Variants in HTT observed in about 807,000 individuals in gnomAD.
HTT encodes huntingtin.
HTT carries 104 observed loss-of-function variants against 362.3 expected under a neutral mutation model. The observed-to-expected ratio is 0.29, with a 90% CI of 0.24 to 0.34. HTT has a LOEUF of 0.34. Among genes scored for constraint, HTT ranks in the 10% least tolerant of loss-of-function variants. The pLI is 1.00. For synonymous variants in HTT, 1,577 were observed against 1,548.7 expected (o/e 1.02, Z -0.43); for missense variants, 3,301 against 3,928.6 (o/e 0.84, Z 4.27).
intron 59 of HTT, 152 bp downstream of exon 59, chr4:3,229,161 A>T (rs1193131454): frequency 4.3e-6 from 3 of 697,650 alleles, no homozygotes; most frequent in Non-Finnish European, 7.1e-6. Flanking sequence ...CGCACCATAG[A>T]CACCACACAC....
intron 2 of HTT, among the ~76,000 whole-genome samples, chr4:3,096,894 G>C (rs1460092105): frequency 6.6e-6 from 1 of 152,116 alleles, no homozygotes; most frequent in East Asian, 1.9e-4. Context: ...CGAGGCAGGT[G>C]GATTGTTTGA....
intron 29 of HTT, among the ~76,000 whole-genome samples, chr4:3,170,658 A>T (rs1014440541): frequency 2.6e-5 from 4 of 152,076 alleles, no homozygotes; most frequent in African/African-American, 9.7e-5. Context: ...TTCAATTCAG[A>T]GGGTTGCCTG....
At chr4:3,203,409 C>A (rs1264719478) in intron 41 of HTT, among the ~76,000 whole-genome samples, 1 of 152,188 alleles carries the variant, frequency 6.6e-6, no homozygotes, top group Non-Finnish European at 1.5e-5. Flanking sequence ...AACATTTTAA[C>A]TGTATGGACT....
intron 6 of HTT, among the ~76,000 whole-genome samples, chr4:3,112,232 A>G (rs1307893399): frequency 6.6e-6 from 1 of 152,130 alleles, no homozygotes; most frequent in African/African-American, 2.4e-5. Flanking sequence ...CTTATTCTCA[A>G]AATTACCTGC....
chr4:3,115,939 A>G (rs1715000067), intron 7 of HTT, 146 bp from the exon 8 acceptor site: 1 of 736,472 alleles, frequency 1.4e-6, no homozygotes, highest in Non-Finnish European at 2.3e-6. Flanking sequence ...GTGTGTAGCC[A>G]TTCCCAGTGG....
At chr4:3,225,875 T>C in intron 57 of HTT, 132 bp downstream of exon 57, 1 of 638,680 alleles carries the variant, frequency 1.6e-6, no homozygotes, top group South Asian at 2.0e-5. Flanking sequence ...TAAAAAAAAA[T>C]TTAATGTTCA....
intron 9 of HTT, 186 bp downstream of exon 9, chr4:3,121,618 G>A (rs1170389830): frequency 9.0e-6 from 4 of 444,594 alleles, no homozygotes; most frequent in African/African-American, 6.2e-5. Flanking sequence ...GCTCACGCCT[G>A]TAATTTCAGC....
intron 33 of HTT, among the ~76,000 whole-genome samples, chr4:3,176,631 T>C (rs1034635536): frequency 1.3e-5 from 2 of 152,216 alleles, no homozygotes; most frequent in Non-Finnish European, 2.9e-5. Flanking sequence ...CAAAGACTGC[T>C]CTGGTTTCAT....
In HTT at chr4:3,215,227, C is replaced by T. The variant is rs776116764; in HGVS notation, c.7054+16C>T. ...AACACACAGAGTAAGTCTCAGGACCCATTTTTTTCTTACATGTTGTTCCTC... is the reference window on the plus strand; with the variant it reads ...AACACACAGAGTAAGTCTCAGGACCTATTTTTTTCTTACATGTTGTTCCTC... On this transcript the variant is annotated intron_variant, in intron 51 of 66. Coordinates refer to ENST00000355072, the MANE Select transcript of HTT (RefSeq NM_001388492.1). The T allele has an allele frequency of 1.3e-6, 2 of 1,590,512 alleles. No individual in the cohort carries two copies. The highest frequency in any genetic ancestry group is 2.2e-5 in the East Asian group (1 of 44,754).
intron 64 of HTT, among the ~76,000 whole-genome samples, chr4:3,236,918 G>C (rs1038360654): frequency 1.3e-5 from 2 of 152,184 alleles, no homozygotes; most frequent in Non-Finnish European, 2.9e-5. Flanking sequence ...GAGCCTTGTT[G>C]CACTGCCTTG....
intron 40 of HTT, among the ~76,000 whole-genome samples, chr4:3,193,527 G>A (rs941520184): frequency 1.3e-5 from 2 of 152,200 alleles, no homozygotes; most frequent in Admixed American, 6.5e-5. Context: ...ATGTCCGAGC[G>A]ATCTCTGTGC....
intron 12 of HTT, 56 bp downstream of exon 12, chr4:3,127,660 T>C (rs1560559352): frequency 1.5e-6 from 2 of 1,342,200 alleles, no homozygotes; most frequent in Non-Finnish European, 2.1e-6. Context: ...TGAGACAGAG[T>C]CTCACTCCAT....
intron 22 of HTT, among the ~76,000 whole-genome samples, chr4:3,142,431 G>A (rs1048615861): frequency 2.0e-5 from 3 of 152,178 alleles, no homozygotes; most frequent in South Asian, 2.1e-4. Flanking sequence ...AAAAAGTGCC[G>A]TGGGAGATGA....
intron 41 of HTT, among the ~76,000 whole-genome samples, chr4:3,203,577 G>A (rs1335405822): frequency 1.3e-5 from 2 of 152,234 alleles, no homozygotes; most frequent in African/African-American, 2.4e-5. Flanking sequence ...GTTTAGAGTG[G>A]TGATGTTTCA....
rs1453739523 is a variant in HTT at position 3,229,939 on chromosome 4, A to T, written c.8162A>T (p.Tyr2721Phe). The T allele has an allele frequency of 6.2e-7, 1 of 1,614,152 alleles. No individual in the cohort carries two copies. The highest frequency in any genetic ancestry group is 8.5e-7 in the Non-Finnish European group (1 of 1,179,984). Residue 2721 changes from tyrosine (Y) to phenylalanine (F), a missense_variant, in exon 60 of 67, where the codon TAT (tyrosine) becomes TTT (phenylalanine). Around this residue, in one of 4 missense-constraint regions of HTT, gnomAD observed 753 missense variants for 1,021.3 expected, o/e 0.74. Transcript: ENST00000355072. ...FTERNQFELM[Y>F]VTLTELRRVH... The stretch of plus-strand genomic sequence containing the variant: ...GAGCGCAACCAGTTTGAGCTGATGT[A>T]TGTGACGCTGACAGAACTGCGAAGG...
rs1226399633 is a variant in HTT at position 3,209,817 on chromosome 4, T to G, written c.6292-10T>G. ...CATCATGTTCCCCTTATCCATTTTT[T>G]TCTTCCCAGGACTGGTACGTTCATC... is the stretch of plus-strand genomic sequence containing the variant. On this transcript the variant is annotated splice_polypyrimidine_tract_variant and intron_variant, in intron 46 of 66. Transcript: ENST00000355072. 1 of 1,613,394 alleles carries G rather than the reference T, an allele frequency of 6.2e-7. No individual in the cohort carries two copies. The highest frequency in any genetic ancestry group is 1.7e-5 in the Admixed American group (1 of 60,028).
chr4:3,164,563 T>C (rs1444702902), intron 29 of HTT, among the ~76,000 whole-genome samples: 1 of 151,794 alleles, frequency 6.6e-6, no homozygotes, highest in Non-Finnish European at 1.5e-5. Context: ...GGGAGTCTCT[T>C]TGTAGGTCTC....
At chr4:3,215,030 T>A (rs1335348155) in intron 50 of HTT, 80 bp from the exon 51 acceptor site, 1 of 1,170,450 alleles carries the variant, frequency 8.5e-7, no homozygotes, top group Non-Finnish European at 1.2e-6. Flanking sequence ...TTTGTGAGGC[T>A]GCACAAATGT....
chr4:3,215,293 A>G, intron 51 of HTT, 82 bp downstream of exon 51: 4 of 1,017,124 alleles, frequency 3.9e-6, no homozygotes, highest in Non-Finnish European at 6.0e-6. Context: ...CACCGCGGTG[A>G]GTGTGGACTC....
Sources: allele counts gnomAD v4.1 joint callset (sites outside exome capture counted in the v4.1 genomes callset), GRCh38; gene constraint gnomAD v4.1.1; regional missense constraint gnomAD v4.1.1; transcripts MANE v1.5; gene names NCBI Gene and HGNC (gene_info 2026-07-23, HGNC 2026-07-21).